Variants in POLG2 observed in about 807,000 individuals in gnomAD.
POLG2 encodes the protein DNA polymerase subunit gamma-2.
POLG2 carries 50 observed loss-of-function variants against 56.5 expected under a neutral mutation model. The ratio of observed to expected loss-of-function variants is 0.88; its 90% CI spans 0.71 to 1.12. The LOEUF (loss-of-function observed/expected upper bound fraction) is 1.12. Ranked by LOEUF, POLG2 falls within the 50% of genes most tolerant of loss-of-function variation. POLG2 has a pLI of 0.00. For missense variants in POLG2, 584 were observed against 583.3 expected (o/e 1.00, Z -0.01); for synonymous variants, 226 against 222.6 (o/e 1.02, Z -0.14).
intron 3 of POLG2, chr17:64,491,937 A>AC: frequency 4.5e-6 from 1 of 223,206 alleles, no homozygotes. Context: ...AAAAAAAAAA[A>AC]ACAAAAAAAA....
chr17:64,497,030 T>C lies in POLG2; in HGVS notation c.-62A>G, dbSNP rs1338188622. 5.4e-6 allele frequency: 8 copies of C among 1,486,576 alleles called. No individual in the cohort carries two copies. Among genetic ancestry groups the C allele is most frequent in the Admixed American group, 5.0e-5 (3 of 59,520 alleles). The allele number at this position is 1,486,576 out of a possible 1,614,324, so 92.1% of individuals were successfully genotyped here. ...TCAACGGATCCCAACAAGCCACCAC[T>C]ACCGTTAACAGAATCCGGAGAGGCC... On this transcript the variant is annotated 5_prime_UTR_variant, in exon 1 of 8. Transcript: ENST00000539111.
chr17:64,489,857 G>C (rs1384340721), intron 4 of POLG2, among the ~76,000 whole-genome samples: 2 of 152,096 alleles, frequency 1.3e-5, no homozygotes, highest in Non-Finnish European at 2.9e-5. Context: ...GGCAAAATTT[G>C]GTGACAAAGA....
Position 64,496,451 on chromosome 17 carries a change from T to G in POLG2, c.518A>C (p.Asn173Thr), listed in dbSNP as rs2038152983. Residue 173 changes from asparagine (N) to threonine (T), a missense_variant, in exon 1 of 8, where the codon AAC becomes ACC. Transcript: ENST00000539111. ...TAGTTTCCCAGAAGTTTTTAATACG[T>G]TCTCAAGAAATGCTACTAGCTGTTC... ...SKEQLVAFLENVLKTSGKLRE... is the reference protein window; with the variant it reads ...SKEQLVAFLETVLKTSGKLRE... 6.3e-7 allele frequency: 1 copy of G among 1,593,788 alleles called. No homozygotes were observed. The highest frequency in any genetic ancestry group is 1.1e-5 in the South Asian group (1 of 90,548).
chr17:64,483,027 A>C, intron 5 of POLG2, 28 bp from the exon 6 acceptor site: 1 of 1,151,210 alleles, frequency 8.7e-7, no homozygotes. Flanking sequence ...GGGAGGGAGA[A>C]GACAGGAAAG....
At position 64,482,600 on chromosome 17, in the gene POLG2, G is replaced by A. The variant is rs576398024; in HGVS notation, c.1191+319C>T. 1.6e-4 allele frequency among the ~76,000 whole-genome samples: 25 copies of A among 152,330 alleles called. No individual in the cohort carries two copies. In the South Asian group the frequency reaches 4.3e-3, roughly 26 times the overall value. On this transcript the variant is annotated intron_variant, in intron 6 of 7. Transcript: ENST00000539111. ...CCCAAAGTGCTGGGATTACAGGCGT[G>A]AGCCACCACGCCCGACCTAAAACAT...
Position 64,480,401 on chromosome 17 carries a change from T to C in POLG2, c.1192-12A>G, listed in dbSNP as rs782582491. On this transcript the variant is annotated splice_polypyrimidine_tract_variant and intron_variant, in intron 6 of 7. Transcript: ENST00000539111. The stretch of plus-strand genomic sequence containing the variant: ...AGCCCTTGACAAACCTAGAAAGAAA[T>C]AGAAAAACTTCAAATATGAAAGAAA... 4 of 1,289,792 alleles carry C rather than the reference T, an allele frequency of 3.1e-6. No individual in the cohort carries two copies. The highest frequency in any genetic ancestry group is 1.5e-5 in the African/African-American group (1 of 68,568). The allele number at this position is 1,289,792 out of a possible 1,614,324, so 79.9% of individuals were successfully genotyped here. A position where few individuals can be genotyped will look rare whatever the true frequency, so the allele number is the denominator to read the frequency against.
At chr17:64,494,562 G>C (rs2144209726) in intron 1 of POLG2, among the ~76,000 whole-genome samples, 1 of 152,024 alleles carries the variant, frequency 6.6e-6, no homozygotes, top group Non-Finnish European at 1.5e-5. Context: ...AAAAACATAA[G>C]CTTTCTCTAC....
rs573585290 is a variant in POLG2 at position 64,488,102 on chromosome 17, G to A, written c.970-2234C>T. ...TAAGAGGCTGGGTGCAGTGGTTTAC[G>A]CCTATAATCCCAGCACTTTGGGAGG... On this transcript the variant is annotated intron_variant, in intron 4 of 7. Coordinates refer to ENST00000539111, the MANE Select transcript of POLG2 (RefSeq NM_007215.4). Among the ~76,000 whole-genome samples, 18 of 151,164 alleles carry A rather than the reference G, an allele frequency of 1.2e-4. 1 individual carries two copies. The South Asian group carries it at 1.9e-3, about 16-fold the overall frequency.
intron 6 of POLG2, 58 bp downstream of exon 6, chr17:64,482,861 C>CTTTTGGATACA: frequency 1.0e-6 from 1 of 988,002 alleles, no homozygotes; most frequent in Non-Finnish European, 1.6e-6. Context: ...TGGTCCAAAG[C>CTTTTGGATACA]GTTTTTGGAT....
chr17:64,480,258 A>T, intron 7 of POLG2, 31 bp downstream of exon 7: 1 of 984,040 alleles, frequency 1.0e-6, no homozygotes, highest in Non-Finnish European at 1.6e-6. Context: ...TCTTGAATAA[A>T]TACACTCTTT....
intron 6 of POLG2, 113 bp downstream of exon 6, chr17:64,482,806 T>C: frequency 1.4e-6 from 1 of 691,518 alleles, no homozygotes; most frequent in Non-Finnish European, 2.7e-6. Flanking sequence ...ATTTTTGGAT[T>C]AGAGATGCAA....
At chr17:64,494,400 A>G (rs967643320) in intron 1 of POLG2, among the ~76,000 whole-genome samples, 1 of 151,394 alleles carries the variant, frequency 6.6e-6, no homozygotes, top group Non-Finnish European at 1.5e-5. Flanking sequence ...TCCACTCCCC[A>G]ATAATATCCT....
At chr17:64,485,905 A>C in intron 4 of POLG2, 37 bp from the exon 5 acceptor site, 1 of 1,611,166 alleles carries the variant, frequency 6.2e-7, no homozygotes, top group Non-Finnish European at 8.5e-7. Context: ...ATCATTTCAC[A>C]GAACTTTTTT....
intron 7 of POLG2, among the ~76,000 whole-genome samples, chr17:64,479,604 A>G (rs1310045398): frequency 6.6e-6 from 1 of 152,216 alleles, no homozygotes; most frequent in Non-Finnish European, 1.5e-5. Context: ...ACAAGAATGG[A>G]TTATTTAAAA....
chr17:64,493,360 T>G (rs550301603), intron 1 of POLG2, among the ~76,000 whole-genome samples: 6 of 152,052 alleles, frequency 3.9e-5, no homozygotes, highest in Non-Finnish European at 8.8e-5. Context: ...AAGGTTGCAG[T>G]GAGCTGGGAT....
intron 5 of POLG2, chr17:64,485,432 A>G: frequency 5.3e-6 from 2 of 377,698 alleles, no homozygotes; most frequent in South Asian, 2.4e-5. Context: ...AGCTTCTGAT[A>G]CAAATGGAAG....
intron 3 of POLG2, chr17:64,491,637 CAA>C (rs555174871): frequency 3.7e-4 from 554 of 1,488,904 alleles, no homozygotes; most frequent in Non-Finnish European, 5.0e-4. Flanking sequence ...TGGAGCGTTT[CAA>C]AGAGGTTACT....
intron 3 of POLG2, among the ~76,000 whole-genome samples, chr17:64,491,253 G>C (rs1419002571): frequency 6.6e-6 from 1 of 152,090 alleles, no homozygotes; most frequent in Admixed American, 6.6e-5. Flanking sequence ...CCTGCCTCAG[G>C]ATTCAGAGTA....
At chr17:64,494,887 C>G (rs903828768) in intron 1 of POLG2, among the ~76,000 whole-genome samples, 2 of 152,190 alleles carry the variant, frequency 1.3e-5, no homozygotes, top group South Asian at 4.1e-4. Context: ...AAACCAAGAT[C>G]TGGAGGCCGG....
Sources: allele counts gnomAD v4.1 joint callset (sites outside exome capture counted in the v4.1 genomes callset), GRCh38; gene constraint gnomAD v4.1.1; transcripts MANE v1.5; gene names NCBI Gene and HGNC (gene_info 2026-07-23, HGNC 2026-07-21).